SIK2: variants seen among roughly 807,000 people sequenced by gnomAD.
SIK2 encodes serine/threonine-protein kinase SIK2.
A neutral mutation model predicts 103.2 loss-of-function variants in SIK2; 29 were observed. That is an observed-to-expected ratio of 0.28 (90% CI 0.21 to 0.38). The LOEUF (loss-of-function observed/expected upper bound fraction) is 0.38. SIK2 is among the 10% of genes least tolerant of loss of function. The pLI is 1.00. For synonymous variants in SIK2, 412 were observed against 446.1 expected (o/e 0.92, Z 0.96); for missense variants, 879 against 1,171.0 (o/e 0.75, Z 3.64).
chr11:111,668,827 G>A (rs540352487), intron 3 of SIK2, among the ~76,000 whole-genome samples: 1 of 152,360 alleles, frequency 6.6e-6, no homozygotes, highest in East Asian at 1.9e-4. Context: ...TTGCACTAGA[G>A]GAGGATTGAT....
chr11:111,720,761 G>A lies in SIK2; in HGVS notation c.1779G>A (p.Gln593=), dbSNP rs756143004. ...GAGCATCAGATACCTCCCTCACCCA[G>A]GGTGAGCACTTCCTCCTCTGCTTTT... The part of the protein sequence containing the change: ...GRRASDTSLT[Q]GIVAFRQHLQ... The change falls in exon 11 of 15, where the codon CAG becomes CAA. Residue 593 remains glutamine (Q), a splice_region_variant and synonymous_variant. Coordinates refer to ENST00000304987, the MANE Select transcript of SIK2 (RefSeq NM_015191.3). The A allele has an allele frequency of 2.5e-6, 4 of 1,583,848 alleles. No homozygotes were observed. In the South Asian group the frequency reaches 4.7e-5, roughly 19 times the overall value.
chr11:111,723,446 C>A, intron 14 of SIK2, 50 bp from the exon 15 acceptor site: 1 of 1,522,482 alleles, frequency 6.6e-7, no homozygotes. Context: ...ATTAAAATTG[C>A]CATCACTTGA....
chr11:111,658,824 A>T (rs1234671671), intron 3 of SIK2, among the ~76,000 whole-genome samples: 2 of 152,214 alleles, frequency 1.3e-5, no homozygotes, highest in Admixed American at 1.3e-4. Flanking sequence ...ACCAAATGAA[A>T]TGGGTCAGTA....
chr11:111,722,716 G>C lies in SIK2; in HGVS notation c.2107G>C (p.Glu703Gln). 4 of 1,614,160 alleles carry C rather than the reference G, an allele frequency of 2.5e-6. No homozygotes were observed. Among genetic ancestry groups the C allele is most frequent in the Non-Finnish European group, 3.4e-6 (4 of 1,179,992 alleles). ...GAACACCTGTCAGCTTTATTGCAAA[G>C]AACCACCGCGGAGCCTTGAGCAGCA... Reference protein sequence around the residue: ...AQNTCQLYCKEPPRSLEQQLQ... With the variant: ...AQNTCQLYCKQPPRSLEQQLQ... Residue 703 changes from glutamate (E) to glutamine (Q), a missense_variant, in exon 14 of 15, where the codon GAA (glutamate) becomes CAA (glutamine). By Grantham distance (29) the Glu-to-Gln change is conservative. Transcript: ENST00000304987. The surrounding 1 kb of genome is among the most constrained non-coding windows in gnomAD (Gnocchi z 4.4).
At chr11:111,605,964 A>G (rs1941643765) in intron 1 of SIK2, among the ~76,000 whole-genome samples, 1 of 152,188 alleles carries the variant, frequency 6.6e-6, no homozygotes, top group Non-Finnish European at 1.5e-5. Context: ...AAGGCTTTGT[A>G]GTATTAGTTT....
rs1226104837 is a variant in SIK2, at chr11:111,728,139, C to T, written c.*4010C>T. ...ACACTCAAACTCCTAAACTGGGCTG[C>T]CTCTAACTGCCTCCTGGGAAGCCAC... is the stretch of plus-strand genomic sequence containing the variant. On this transcript the variant is annotated 3_prime_UTR_variant, in exon 15 of 15. Coordinates refer to ENST00000304987, the MANE Select transcript of SIK2 (RefSeq NM_015191.3). 3 of 152,110 alleles carry T rather than the reference C, an allele frequency of 2.0e-5. No individual in the cohort carries two copies. Among genetic ancestry groups the T allele is most frequent in the Non-Finnish European group, 2.9e-5 (2 of 68,036 alleles). 9.4% of individuals were successfully genotyped at this position (152,110 alleles called of 1,614,324 possible).
At chr11:111,721,200 T>C in intron 12 of SIK2, 138 bp downstream of exon 12, 2 of 1,077,144 alleles carry the variant, frequency 1.9e-6, no homozygotes, top group Non-Finnish European at 2.6e-6. Context: ...ACAGCTTCTT[T>C]GCCTTGTTGC....
In SIK2 at chr11:111,723,330, T is replaced by A. The variant is rs151142777; in HGVS notation, c.2148-166T>A. 1.3e-3 allele frequency among the ~76,000 whole-genome samples: 198 copies of A among 152,296 alleles called. 1 individual carries two copies. Among genetic ancestry groups the A allele is most frequent in the Non-Finnish European group, 1.2e-3 (85 of 68,018 alleles). On this transcript the variant is annotated intron_variant, in intron 14 of 14. Transcript: ENST00000304987. ...AGAACTGGGGGGCAAAACATGAGAT[T>A]AGGTTTAAGAGACCCAACACAATTG...
chr11:111,626,607 C>T (rs1480712462), intron 3 of SIK2, among the ~76,000 whole-genome samples: 1 of 151,844 alleles, frequency 6.6e-6, no homozygotes, highest in Non-Finnish European at 1.5e-5. Context: ...TATCTCCTAA[C>T]TGATCTATTT....
At chr11:111,615,612 C>T (rs189655666) in intron 1 of SIK2, among the ~76,000 whole-genome samples, 398 of 152,238 alleles carry the variant, frequency 2.6e-3, no homozygotes, top group African/African-American at 8.9e-3. Context: ...GTTTGGGCTC[C>T]TCTCTAGTTA....
intron 1 of SIK2, among the ~76,000 whole-genome samples, chr11:111,609,511 A>G (rs1941692119): frequency 6.6e-6 from 1 of 152,148 alleles, no homozygotes; most frequent in African/African-American, 2.4e-5. Flanking sequence ...TTGTAAAGAC[A>G]AGGTTTTGCC....
chr11:111,678,650 A>G (rs1942737750), intron 3 of SIK2, among the ~76,000 whole-genome samples: 1 of 152,260 alleles, frequency 6.6e-6, no homozygotes, highest in South Asian at 2.1e-4. Context: ...CATGTTTATC[A>G]GCCTTGATTT....
intron 8 of SIK2, among the ~76,000 whole-genome samples, chr11:111,706,536 T>A (rs901927038): frequency 3.9e-5 from 6 of 152,224 alleles, no homozygotes; most frequent in Non-Finnish European, 5.9e-5. Context: ...TCTTTGGCAG[T>A]TTTACAAAAT....
intron 9 of SIK2, 115 bp from the exon 10 acceptor site, chr11:111,719,660 G>A (rs1943744934): frequency 9.7e-7 from 1 of 1,035,176 alleles, no homozygotes; most frequent in South Asian, 1.5e-5. Flanking sequence ...ATATGTGCAT[G>A]TTTAAATATT....
At chr11:111,656,120 G>A (rs924304601) in intron 3 of SIK2, among the ~76,000 whole-genome samples, 10 of 152,080 alleles carry the variant, frequency 6.6e-5, no homozygotes, top group Middle Eastern at 3.4e-3. Flanking sequence ...AGCCTTGGGG[G>A]CAGAGGTTGC....
intron 3 of SIK2, among the ~76,000 whole-genome samples, chr11:111,636,708 C>T (rs78183656): frequency 0.028 from 4,295 of 152,192 alleles, 202 homozygotes; most frequent in African/African-American, 0.097. Context: ...AGATCTTACA[C>T]GTCTTAAGAT....
intron 7 of SIK2, 90 bp from the exon 8 acceptor site, chr11:111,704,897 C>T: frequency 7.1e-7 from 1 of 1,415,182 alleles, no homozygotes; most frequent in Admixed American, 2.8e-5. Flanking sequence ...TAAGAGCACA[C>T]AATTTCTTTC....
chr11:111,632,238 A>G (rs144164969), intron 3 of SIK2, among the ~76,000 whole-genome samples: 2 of 152,302 alleles, frequency 1.3e-5, no homozygotes, highest in East Asian at 3.9e-4. Flanking sequence ...CCTCGAAGAA[A>G]GCAAAACTTT....
At chr11:111,622,912 T>C (rs1001463862) in intron 3 of SIK2, among the ~76,000 whole-genome samples, 25 of 152,188 alleles carry the variant, frequency 1.6e-4, no homozygotes, top group African/African-American at 6.0e-4. Context: ...ATGTTTGGTG[T>C]TCATTGAGCT....
Sources: gnomAD v4.1 joint callset for allele counts (sites outside exome capture counted in the v4.1 genomes callset) on GRCh38, gnomAD v4.1.1 for gene constraint, Gnocchi (gnomAD v3.1) non-coding constraint, MANE v1.5 for transcripts, NCBI Gene and HGNC (gene_info 2026-07-23, HGNC 2026-07-21) for gene names.